MORC1: variants seen among roughly 807,000 people sequenced by gnomAD.
MORC1 encodes MORC family CW-type zinc finger 1, also known as MORC family CW-type zinc finger protein 1.
In MORC1, 59 loss-of-function variants were observed where a neutral mutation model predicts 134.9. The ratio of observed to expected loss-of-function variants is 0.44; its 90% confidence interval spans 0.35 to 0.54. MORC1 has a LOEUF of 0.54. MORC1 is among the 20% of genes least tolerant of loss of function. The pLI, the probability that MORC1 is intolerant of heterozygous loss-of-function variation, is 0.00. For missense variants in MORC1, 947 were observed against 1,134.5 expected, an observed-to-expected ratio of 0.83 and a Z score of 2.37; for synonymous variants, 395 against 391.7, an observed-to-expected ratio of 1.01 and a Z score of -0.10.
At chr3:109,070,944 T>C (rs1213974417) in intron 8 of MORC1, among the ~76,000 whole-genome samples, 1 of 152,218 alleles carries the variant, frequency 6.6e-6, no homozygotes, top group East Asian at 1.9e-4. Context: ...AATTACATAT[T>C]AGTATCTAGT....
At chr3:108,981,619 T>C (rs1307963543) in intron 23 of MORC1, among the ~76,000 whole-genome samples, 1 of 152,198 alleles carries the variant, frequency 6.6e-6, no homozygotes, top group African/African-American at 2.4e-5. Context: ...CTCTGTTTCT[T>C]GTTCTGTTGA....
rs764357529 is a variant in MORC1, at chr3:109,118,087, AG to A, written c.-29del. 2.5e-6 allele frequency: 4 copies of A among 1,596,214 alleles called. No individual in the cohort carries two copies. Among genetic ancestry groups the A allele is most frequent in the Non-Finnish European group, 3.4e-6 (4 of 1,170,850 alleles). On this transcript the variant is annotated 5_prime_UTR_variant, in exon 1 of 28. Transcript: ENST00000232603. ...CCTCGAACACGACCCGCGCAACTCA[AG>A]GGGACAAGGACACCTGACCGGCAGC...
chr3:109,043,195 G>C (rs1042935857), intron 14 of MORC1, among the ~76,000 whole-genome samples: 1 of 100,798 alleles, frequency 9.9e-6, no homozygotes, highest in Non-Finnish European at 2.2e-5. Flanking sequence ...ATGTGGGGGG[G>C]GGGGGGTGTG....
rs66700715 is a variant in MORC1, at chr3:109,020,764, CA to C, written c.1704+6986del. 8.8e-4 allele frequency among the ~76,000 whole-genome samples: 69 copies of C among 78,294 alleles called. 1 individual carries two copies. Among genetic ancestry groups the C allele is most frequent in the Non-Finnish European group, 8.2e-4 (30 of 36,646 alleles). The allele number at this position is 78,294 out of a possible 152,430, so 51.4% of individuals were successfully genotyped here. A position where few individuals can be genotyped will look rare whatever the true frequency, so the allele number is the denominator to read the frequency against. ...TGGGCGACACAGTGAGACTCTGTCT[CA>C]AAAAAAAAAAAGATTAGGTATGAAT... On this transcript the variant is annotated intron_variant, in intron 17 of 27. Coordinates refer to ENST00000232603, the MANE Select transcript of MORC1 (RefSeq NM_014429.4).
At chr3:109,017,247 A>G (rs1299905000) in intron 17 of MORC1, among the ~76,000 whole-genome samples, 2 of 152,236 alleles carry the variant, frequency 1.3e-5, no homozygotes, top group Non-Finnish European at 2.9e-5. Context: ...AAATACTTGC[A>G]TACTTAATTT....
chr3:109,072,466 G>A (rs995553507), intron 8 of MORC1, among the ~76,000 whole-genome samples: 1 of 152,158 alleles, frequency 6.6e-6, no homozygotes, highest in Non-Finnish European at 1.5e-5. Flanking sequence ...ACTCAGTGCT[G>A]TCATCCTCTG....
intron 22 of MORC1, among the ~76,000 whole-genome samples, chr3:108,985,575 G>A (rs541168465): frequency 6.6e-6 from 1 of 152,258 alleles, no homozygotes; most frequent in Admixed American, 6.5e-5. Context: ...AGAATGAATG[G>A]ACAGATGTTT....
At chr3:108,959,258 C>T (rs1947016320) in intron 27 of MORC1, 138 bp from the exon 28 acceptor site, 2 of 643,118 alleles carry the variant, frequency 3.1e-6, no homozygotes, top group Non-Finnish European at 4.9e-6. Flanking sequence ...ATGCTTTTAA[C>T]CTTTCAAAAG....
At chr3:108,978,313 A>G (rs1247092044) in intron 24 of MORC1, among the ~76,000 whole-genome samples, 1 of 152,216 alleles carries the variant, frequency 6.6e-6, no homozygotes, top group African/African-American at 2.4e-5. Flanking sequence ...TCTGGAATGT[A>G]GCAGTCTGTA....
chr3:109,009,253 T>G (rs1259284338), intron 17 of MORC1, among the ~76,000 whole-genome samples: 1 of 147,340 alleles, frequency 6.8e-6, no homozygotes, highest in Non-Finnish European at 1.5e-5. Flanking sequence ...GTCACCAGGC[T>G]GGAGTGCAGT....
At chr3:108,959,263 CA>C (rs34634278) in intron 27 of MORC1, 143 bp from the exon 28 acceptor site, 1 of 620,264 alleles carries the variant, frequency 1.6e-6, no homozygotes, top group Admixed American at 4.1e-5. Flanking sequence ...TTTAACCTTT[CA>C]AAAGGTTTTC....
intron 17 of MORC1, 102 bp downstream of exon 17, chr3:109,027,649 T>A: frequency 6.9e-7 from 1 of 1,447,288 alleles, no homozygotes; most frequent in African/African-American, 1.4e-5. Flanking sequence ...GGAAAAAGAT[T>A]ATACACATTT....
At chr3:109,106,303 G>C (rs1006073316) in intron 3 of MORC1, among the ~76,000 whole-genome samples, 5 of 152,152 alleles carry the variant, frequency 3.3e-5, no homozygotes, top group African/African-American at 1.2e-4. Flanking sequence ...AGAAAGAAGG[G>C]TATTCCTTCA....
intron 15 of MORC1, 120 bp downstream of exon 15, chr3:109,035,220 A>C: frequency 1.1e-6 from 1 of 917,984 alleles, no homozygotes. Context: ...TCCAGACTGT[A>C]AACTCCTGGA....
At chr3:109,100,550 T>C (rs1950906658) in intron 4 of MORC1, 43 bp from the exon 5 acceptor site, 2 of 1,472,028 alleles carry the variant, frequency 1.4e-6, no homozygotes, top group Admixed American at 1.7e-5. Context: ...GAAGACTCTT[T>C]GACACTGGCC....
intron 2 of MORC1, among the ~76,000 whole-genome samples, chr3:109,111,429 G>A (rs775812676): frequency 5.3e-5 from 8 of 152,140 alleles, no homozygotes; most frequent in Non-Finnish European, 8.8e-5. Context: ...TTGCCATCTG[G>A]TCTTTTACAG....
chr3:109,085,204 C>CTGTGTG lies in MORC1; in HGVS notation c.689+8226_689+8231dup, dbSNP rs375672407. ...TGTGTGTGTCTGTCTGTGTATGTGT[C>CTGTGTG]TGTGTGTGTGTAAGAACTCAAAAGC... is the stretch of plus-strand genomic sequence containing the variant. On this transcript the variant is annotated intron_variant, in intron 8 of 27. Transcript: ENST00000232603. Among the ~76,000 whole-genome samples the CTGTGTG allele has an allele frequency of 6.4e-3, 973 of 151,092 alleles. 9 individuals are homozygous for CTGTGTG. The highest frequency in any genetic ancestry group is 0.051 in the Middle Eastern group (15 of 294).
Position 109,035,135 on chromosome 3 carries a change from T to G in MORC1, c.1459+205A>C, listed in dbSNP as rs549661162. 5.3e-5 allele frequency among the ~76,000 whole-genome samples: 8 copies of G among 152,290 alleles called. No homozygotes were observed. The South Asian group carries it at 1.2e-3, about 24-fold the overall frequency. ...CCATCCTTTTCTTTGAACCCTCAAA[T>G]AATTATTTGTCTCTAGTATATCACT... On this transcript the variant is annotated intron_variant, in intron 15 of 27. Transcript: ENST00000232603.
chr3:109,073,523 G>A (rs182944359), intron 8 of MORC1, among the ~76,000 whole-genome samples: 4 of 152,214 alleles, frequency 2.6e-5, no homozygotes, highest in East Asian at 3.9e-4. Context: ...ACCTAGACAC[G>A]AGCTGAGAAA....
Sources: gnomAD v4.1 joint callset for allele counts (sites outside exome capture counted in the v4.1 genomes callset) on GRCh38, gnomAD v4.1.1 for gene constraint, MANE v1.5 for transcripts, NCBI Gene and HGNC (gene_info 2026-07-23, HGNC 2026-07-21) for gene names.